OLFM3: variants seen among roughly 807,000 people sequenced by gnomAD.
OLFM3 encodes noelin-3.
A neutral mutation model predicts 48.6 loss-of-function variants in OLFM3; 20 were observed. That is an observed-to-expected ratio of 0.41 (90% CI 0.29 to 0.60). The LOEUF (loss-of-function observed/expected upper bound fraction) is 0.60. OLFM3 is among the 20% of genes least tolerant of loss of function. The pLI, the probability that OLFM3 is intolerant of heterozygous loss-of-function variation, is 0.28. For missense variants in OLFM3, 437 were observed against 544.3 expected (o/e 0.80, Z 1.96); for synonymous variants, 222 against 198.1 (o/e 1.12, Z -1.01).
chr1:101,896,561 C>T (rs1223184678), intron 1 of OLFM3, among the ~76,000 whole-genome samples: 1 of 134,700 alleles, frequency 7.4e-6, no homozygotes, highest in Non-Finnish European at 1.5e-5. Context: ...GTGGCGCGAT[C>T]TCGGCTCACT....
intron 3 of OLFM3, among the ~76,000 whole-genome samples, chr1:101,825,916 C>CAATT (rs1250365107): frequency 6.6e-6 from 1 of 152,142 alleles, no homozygotes; most frequent in Non-Finnish European, 1.5e-5. Context: ...TCCCAAGGCT[C>CAATT]AAATAAAGGT....
intron 1 of OLFM3, among the ~76,000 whole-genome samples, chr1:101,852,700 A>G (rs1444895479): frequency 2.0e-5 from 3 of 152,104 alleles, no homozygotes; most frequent in Admixed American, 6.6e-5. Flanking sequence ...AGAAAGCAAA[A>G]CAAAAATACA....
At chr1:101,942,171 G>C (rs1320426889) in intron 1 of OLFM3, among the ~76,000 whole-genome samples, 1 of 152,112 alleles carries the variant, frequency 6.6e-6, no homozygotes, top group African/African-American at 2.4e-5. Context: ...AAAGAAAGTG[G>C]TAAACCCTCG....
At chr1:101,813,694 T>A (rs1260329358) in intron 4 of OLFM3, among the ~76,000 whole-genome samples, 1 of 152,164 alleles carries the variant, frequency 6.6e-6, no homozygotes, top group Admixed American at 6.6e-5. Context: ...TTCATGTCTG[T>A]CATCCATTAG....
chr1:101,867,884 C>A (rs114906154), intron 1 of OLFM3, among the ~76,000 whole-genome samples: 1 of 152,076 alleles, frequency 6.6e-6, no homozygotes, highest in Admixed American at 6.6e-5. Flanking sequence ...GAAATTGAAT[C>A]ATGGGGCAGT....
chr1:101,922,417 G>T lies in OLFM3; in HGVS notation c.69+74331C>A, dbSNP rs115527261. Among the ~76,000 whole-genome samples the T allele has an allele frequency of 6.1e-3, 933 of 152,124 alleles. 11 individuals carry two copies. Among genetic ancestry groups the T allele is most frequent in the African/African-American group, 0.022 (894 of 41,480 alleles). Reference sequence around the variant, plus strand: ...TACATACAGGCCCATACATACAGCTGATCTCATTATTATAAGGACTGGAGA... The same window carrying T: ...TACATACAGGCCCATACATACAGCTTATCTCATTATTATAAGGACTGGAGA... On this transcript the variant is annotated intron_variant, in intron 1 of 5. Coordinates refer to ENST00000370103, the MANE Select transcript of OLFM3 (RefSeq NM_058170.4).
At chr1:101,809,823 A>C (rs370678099) in intron 4 of OLFM3, among the ~76,000 whole-genome samples, 3 of 151,970 alleles carry the variant, frequency 2.0e-5, no homozygotes, top group Admixed American at 2.0e-4. Flanking sequence ...CAAATATGAC[A>C]TTGGGCTTAA....
intron 2 of OLFM3, among the ~76,000 whole-genome samples, chr1:101,833,957 T>C (rs1345822879): frequency 1.3e-5 from 2 of 152,172 alleles, no homozygotes; most frequent in African/African-American, 4.8e-5. Flanking sequence ...TTAGGAAATA[T>C]TGACTTAGAT....
rs12039294 is a variant in OLFM3, at chr1:101,935,173, A to G, written c.69+61575T>C. Among the ~76,000 whole-genome samples, 3 of 152,138 alleles carry G rather than the reference A, an allele frequency of 2.0e-5. No homozygotes were observed. The East Asian group carries it at 5.8e-4, about 29-fold the overall frequency. Reference sequence around the variant, plus strand: ...TGTATAAAAAAAAATACAAGACATCAACGAATCTAGGAGTTTGTTTTTTGA... The same window carrying G: ...TGTATAAAAAAAAATACAAGACATCGACGAATCTAGGAGTTTGTTTTTTGA... On this transcript the variant is annotated intron_variant, in intron 1 of 5. Coordinates refer to ENST00000370103, the MANE Select transcript of OLFM3 (RefSeq NM_058170.4).
Position 101,804,439 on chromosome 1 carries a change from A to G in OLFM3, c.1176T>C (p.Thr392=), listed in dbSNP as rs374462263. The stretch of plus-strand genomic sequence containing the variant: ...AATAGGAATAATACACCTTGGCTCC[A>G]GTTAAGTGGGAGTTGGTGACATACA... ...GTLYVTNSHL[T]GAKVYYSYST... is the part of the protein sequence containing the mutation. Residue 392 remains threonine (T), a synonymous_variant, in exon 6 of 6, where the codon ACT becomes ACC. Coordinates refer to ENST00000370103, the MANE Select transcript of OLFM3 (RefSeq NM_058170.4). The surrounding 1 kb of genome is among the most constrained non-coding windows in gnomAD (Gnocchi z 4.5). 8 of 1,612,438 alleles carry G rather than the reference A, an allele frequency of 5.0e-6. No individual in the cohort carries two copies. Among genetic ancestry groups the G allele is most frequent in the African/African-American group, 1.3e-5 (1 of 74,778 alleles).
intron 1 of OLFM3, among the ~76,000 whole-genome samples, chr1:101,966,073 G>T (rs1660598799): frequency 6.6e-6 from 1 of 152,120 alleles, no homozygotes; most frequent in Non-Finnish European, 1.5e-5. Context: ...TGGGATAGCA[G>T]TTGTTCTCTT....
intron 3 of OLFM3, among the ~76,000 whole-genome samples, chr1:101,829,866 T>A (rs1329565464): frequency 1.3e-5 from 2 of 151,904 alleles, no homozygotes; most frequent in Admixed American, 1.3e-4. Flanking sequence ...ACGGAGTCTC[T>A]CTCTGTTGCC....
chr1:101,975,004 T>C (rs1300988450), intron 1 of OLFM3, among the ~76,000 whole-genome samples: 1 of 152,210 alleles, frequency 6.6e-6, no homozygotes, highest in Non-Finnish European at 1.5e-5. Flanking sequence ...TCTGAGTTGA[T>C]TACGACTTTA....
chr1:101,974,279 G>T (rs141231158), intron 1 of OLFM3, among the ~76,000 whole-genome samples: 47 of 152,204 alleles, frequency 3.1e-4, no homozygotes, highest in African/African-American at 1.1e-3. Context: ...AGAAATTAGC[G>T]CATGAGAGGG....
intron 1 of OLFM3, among the ~76,000 whole-genome samples, chr1:101,842,977 G>A (rs1449257429): frequency 1.3e-5 from 2 of 152,160 alleles, no homozygotes; most frequent in Non-Finnish European, 2.9e-5. Context: ...ATCACGAAAT[G>A]AGCATTACCT....
At chr1:101,907,299 T>C (rs1658585479) in intron 1 of OLFM3, among the ~76,000 whole-genome samples, 1 of 152,214 alleles carries the variant, frequency 6.6e-6, no homozygotes, top group South Asian at 2.1e-4. Context: ...CAATCACTCA[T>C]CAATTATTGG....
At chr1:101,846,667 T>G (rs1022202008) in intron 1 of OLFM3, among the ~76,000 whole-genome samples, 6 of 152,124 alleles carry the variant, frequency 3.9e-5, no homozygotes, top group Non-Finnish European at 5.9e-5. Flanking sequence ...AGTCCATTTT[T>G]GGGGTATAAC....
At chr1:101,827,156 T>G (rs1654900236) in intron 3 of OLFM3, among the ~76,000 whole-genome samples, 1 of 152,238 alleles carries the variant, frequency 6.6e-6, no homozygotes, top group Non-Finnish European at 1.5e-5. Context: ...ATGCTGCTTT[T>G]ACATCCAAGT....
intron 1 of OLFM3, among the ~76,000 whole-genome samples, chr1:101,944,307 T>C (rs185667786): frequency 1.3e-3 from 205 of 152,276 alleles, no homozygotes; most frequent in African/African-American, 4.8e-3. Flanking sequence ...CTAAAGGCTC[T>C]AATCCTGCAA....
Sources: gnomAD v4.1 joint callset for allele counts (sites outside exome capture counted in the v4.1 genomes callset) on GRCh38, gnomAD v4.1.1 for gene constraint, Gnocchi (gnomAD v3.1) non-coding constraint, MANE v1.5 for transcripts, NCBI Gene and HGNC (gene_info 2026-07-23, HGNC 2026-07-21) for gene names.